Variants in DLG2 observed in about 807,000 individuals in gnomAD.
The protein encoded by DLG2 is disks large homolog 2.
DLG2 carries 45 observed loss-of-function variants against 132.5 expected under a neutral mutation model. That is an observed-to-expected ratio of 0.34 (90% confidence interval 0.27 to 0.44). The LOEUF is 0.44. DLG2 is among the 20% of genes least tolerant of loss of function. DLG2 has a pLI of 1.00. For missense variants in DLG2, 1,045 were observed against 1,196.9 expected, an observed-to-expected ratio of 0.87 and a Z score of 1.87; for synonymous variants, 424 against 419.6, an observed-to-expected ratio of 1.01 and a Z score of -0.13.
At chr11:84,113,722 T>C (rs1473793914) in intron 9 of DLG2, among the ~76,000 whole-genome samples, 1 of 152,190 alleles carries the variant, frequency 6.6e-6, no homozygotes, top group Non-Finnish European at 1.5e-5. Flanking sequence ...TAATTTTCAA[T>C]CAACCAATAC....
At chr11:84,248,163 G>A (rs146965407) in intron 8 of DLG2, among the ~76,000 whole-genome samples, 1 of 152,188 alleles carries the variant, frequency 6.6e-6, no homozygotes, top group African/African-American at 2.4e-5. Context: ...GGGAGAGTTG[G>A]GACTCTGCCA....
chr11:84,105,792 C>T (rs2092865226), intron 9 of DLG2, among the ~76,000 whole-genome samples: 1 of 152,016 alleles, frequency 6.6e-6, no homozygotes, highest in African/African-American at 2.4e-5. Context: ...TCTCACTAAC[C>T]CCAAGATTCC....
chr11:84,006,523 AAATACTTAAGTATTT>A (rs756843132), intron 11 of DLG2, among the ~76,000 whole-genome samples: 5 of 151,672 alleles, frequency 3.3e-5, no homozygotes, highest in South Asian at 2.1e-4. Context: ...TATTTACAAT[AAATACTTAAGTATTT>A]AATACTTAAG....
chr11:85,074,414 A>C (rs1566794613), intron 6 of DLG2, among the ~76,000 whole-genome samples: 1 of 151,878 alleles, frequency 6.6e-6, no homozygotes, highest in Non-Finnish European at 1.5e-5. Flanking sequence ...CCTGCCTTAT[A>C]TATAATGAGC....
At chr11:85,558,046 G>T (rs80344333) in intron 3 of DLG2, among the ~76,000 whole-genome samples, 25,170 of 151,726 alleles carry the variant, frequency 0.17, 2,843 homozygotes, top group East Asian at 0.28. Context: ...GAAAATATTA[G>T]CAAACTATGC....
At chr11:83,578,823 G>A (rs2096923698) in intron 19 of DLG2, among the ~76,000 whole-genome samples, 1 of 152,116 alleles carries the variant, frequency 6.6e-6, no homozygotes, top group Non-Finnish European at 1.5e-5. Flanking sequence ...CTTTTCAAGT[G>A]CGTATGAAAC....
chr11:83,953,773 T>C (rs1009450319), intron 14 of DLG2, among the ~76,000 whole-genome samples: 5 of 152,210 alleles, frequency 3.3e-5, no homozygotes, highest in African/African-American at 1.2e-4. Context: ...AAATCCTCTT[T>C]CAGTGTCATA....
intron 10 of DLG2, among the ~76,000 whole-genome samples, chr11:84,076,352 G>T (rs4944463): frequency 0.75 from 114,004 of 152,010 alleles, 44,343 homozygotes; most frequent in Middle Eastern, 0.9. Flanking sequence ...ACAGCTGCAG[G>T]AGGCTCTGGT....
intron 4 of DLG2, among the ~76,000 whole-genome samples, chr11:85,193,405 T>G (rs933995080): frequency 2.0e-5 from 3 of 152,224 alleles, no homozygotes; most frequent in Non-Finnish European, 4.4e-5. Flanking sequence ...GAAACATATA[T>G]TTTCAGTTGT....
At chr11:83,766,396 CTT>C (rs35039524) in intron 18 of DLG2, among the ~76,000 whole-genome samples, 256 of 132,348 alleles carry the variant, frequency 1.9e-3, no homozygotes, top group African/African-American at 6.6e-3. Flanking sequence ...CCTGGCCTGC[CTT>C]TTTTTTTTTT....
intron 9 of DLG2, among the ~76,000 whole-genome samples, chr11:84,110,756 C>T (rs2093301929): frequency 6.6e-6 from 1 of 152,186 alleles, no homozygotes; most frequent in Non-Finnish European, 1.5e-5. Flanking sequence ...GATTTTAGAG[C>T]TTAGCAGCTG....
At chr11:84,904,674 C>G (rs372123131) in intron 6 of DLG2, among the ~76,000 whole-genome samples, 1 of 152,046 alleles carries the variant, frequency 6.6e-6, no homozygotes, top group African/African-American at 2.4e-5. Context: ...GATAATAAAC[C>G]AATCTTAAAT....
At chr11:83,761,056 C>T (rs959172153) in intron 18 of DLG2, among the ~76,000 whole-genome samples, 1 of 152,164 alleles carries the variant, frequency 6.6e-6, no homozygotes, top group Non-Finnish European at 1.5e-5. Flanking sequence ...CTCAGCTCTC[C>T]ACCCTTCTTC....
intron 6 of DLG2, among the ~76,000 whole-genome samples, chr11:85,107,625 T>C (rs1451476898): frequency 6.6e-6 from 1 of 152,000 alleles, no homozygotes; most frequent in African/African-American, 2.4e-5. Context: ...TTTTCTCAAT[T>C]GTTTGCAGAT....
intron 12 of DLG2, among the ~76,000 whole-genome samples, chr11:83,967,317 T>C (rs940226139): frequency 6.6e-6 from 1 of 152,052 alleles, no homozygotes; most frequent in Non-Finnish European, 1.5e-5. Context: ...GCATACTGTT[T>C]TCCATAATGG....
chr11:84,205,375 A>C (rs913643766), intron 8 of DLG2, among the ~76,000 whole-genome samples: 5 of 152,182 alleles, frequency 3.3e-5, no homozygotes, highest in Admixed American at 1.3e-4. Context: ...AAATAATACT[A>C]TTGACCAAAT....
chr11:83,618,881 G>A (rs928498976), intron 19 of DLG2, among the ~76,000 whole-genome samples: 3 of 152,088 alleles, frequency 2.0e-5, no homozygotes, highest in African/African-American at 4.8e-5. Context: ...CTCTGCATAG[G>A]TGTCAGATCC....
chr11:85,405,600 C>T (rs1440942779), intron 3 of DLG2, among the ~76,000 whole-genome samples: 1 of 151,976 alleles, frequency 6.6e-6, no homozygotes, highest in Non-Finnish European at 1.5e-5. Flanking sequence ...TATTACTAAT[C>T]TCCACAACAA....
At chr11:85,133,925 C>CT (rs767699211) in intron 5 of DLG2, among the ~76,000 whole-genome samples, 14 of 151,864 alleles carry the variant, frequency 9.2e-5, no homozygotes, top group African/African-American at 1.7e-4. Flanking sequence ...TAATAATATA[C>CT]TTTTTTTTCC....
Sources: gnomAD v4.1 joint callset for allele counts (sites outside exome capture counted in the v4.1 genomes callset) on GRCh38, gnomAD v4.1.1 for gene constraint, MANE v1.5 for transcripts, NCBI Gene and HGNC (gene_info 2026-07-23, HGNC 2026-07-21) for gene names.